COIL: variants seen among roughly 807,000 people sequenced by gnomAD.
COIL encodes coilin.
In COIL, 28 loss-of-function variants were observed where a neutral mutation model predicts 51.6. The ratio of observed to expected loss-of-function variants is 0.54; its 90% confidence interval spans 0.40 to 0.74. The LOEUF is 0.74. COIL is among the 30% of genes least tolerant of loss of function. The pLI is 0.00. For synonymous variants in COIL, 233 were observed against 255.8 expected (o/e 0.91, Z 0.85); for missense variants, 667 against 685.9 (o/e 0.97, Z 0.31).
Position 56,960,762 on chromosome 17 carries a change from C to T in COIL, c.245+13G>A. On this transcript the variant is annotated intron_variant, in intron 1 of 6. Coordinates refer to ENST00000240316, the MANE Select transcript of COIL (RefSeq NM_004645.3). ...GCCGCCCACCCGGCCGTCCCGCTCC[C>T]TGCGCCGCGCACCTGAGGCAGTCGT... 4.5e-6 allele frequency: 7 copies of T among 1,545,302 alleles called. No individual in the cohort carries two copies. Among genetic ancestry groups the T allele is most frequent in the Non-Finnish European group, 6.1e-6 (7 of 1,147,208 alleles).
rs773870610 is a variant in COIL, at chr17:56,950,587, G to A, written c.655C>T (p.Pro219Ser). The A allele has an allele frequency of 8.7e-6, 14 of 1,614,214 alleles. No individual in the cohort carries two copies. Among genetic ancestry groups the A allele is most frequent in the Non-Finnish European group, 1.2e-5 (14 of 1,180,044 alleles). ...AGGCTGTTTCTAGCAGAACCTTTTG[G>A]AGAACTACATCTCTGATTGGCCCAG... ...KDWANQRCSS[P>S]KGSARNSLVK... The change falls in exon 2 of 7, where the codon CCA becomes TCA. Residue 219 changes from proline to serine, a missense_variant. Coordinates refer to ENST00000240316, the MANE Select transcript of COIL (RefSeq NM_004645.3).
chr17:56,948,732 G>C (rs1910298915), intron 4 of COIL, among the ~76,000 whole-genome samples: 1 of 150,474 alleles, frequency 6.6e-6, no homozygotes, highest in Non-Finnish European at 1.5e-5. Flanking sequence ...GACTCATACA[G>C]ATATTAAGTA....
rs756875906 is a variant in COIL, at chr17:56,960,798, A to G, written c.222T>C (p.Leu74=). 67 of 1,591,268 alleles carry G rather than the reference A, an allele frequency of 4.2e-5. No individual in the cohort carries two copies. The highest frequency in any genetic ancestry group is 5.4e-5 in the Non-Finnish European group (63 of 1,169,704). The change falls in exon 1 of 7, where the codon CTT becomes CTC. Residue 74 remains leucine (L), a synonymous_variant. Coordinates refer to ENST00000240316, the MANE Select transcript of COIL (RefSeq NM_004645.3). ...GLLPPAESAR[L]VRDNDCLRVK... is the part of the protein sequence containing the mutation. ...ACCTGAGGCAGTCGTTGTCTCTCACAAGGCGCGCGCTCTCGGCGGGGGGCA... is the reference window on the plus strand; with the variant it reads ...ACCTGAGGCAGTCGTTGTCTCTCACGAGGCGCGCGCTCTCGGCGGGGGGCA...
chr17:56,944,553 T>C (rs1201454493), intron 5 of COIL, among the ~76,000 whole-genome samples: 1 of 150,818 alleles, frequency 6.6e-6, no homozygotes, highest in Non-Finnish European at 1.5e-5. Flanking sequence ...GATCGCCCAC[T>C]GCACTCCAGC....
chr17:56,950,499 G>A lies in COIL; in HGVS notation c.743C>T (p.Ser248Leu), dbSNP rs1385390320. 3.0e-5 allele frequency: 49 copies of A among 1,614,064 alleles called. No homozygotes were observed. The highest frequency in any genetic ancestry group is 4.5e-5 in the East Asian group (2 of 44,898). Residue 248 changes from serine (S) to leucine (L), a missense_variant, in exon 2 of 7, where the codon TCG (serine) becomes TTG (leucine). Physicochemically the swap from Ser to Leu is moderately radical, Grantham distance 145. Transcript: ENST00000240316. The stretch of plus-strand genomic sequence containing the variant: ...AGATTCATCACAAGATTCAGACTCC[G>A]AGGAGGAACTGGGACTCTCTTTTGA... ...VCSKESPSSS[S>L]ESESCDESIS...
Position 56,949,673 on chromosome 17 carries a change from AAAT to A in COIL, c.1440+5_1440+7del. 6.2e-7 allele frequency: 1 copy of A among 1,610,510 alleles called. No homozygotes were observed. Among genetic ancestry groups the A allele is most frequent in the East Asian group, 2.2e-5 (1 of 44,856 alleles). Reference sequence around the variant, plus strand: ...CTTTTTTGCTGTGACTGTTCTTTTGAAATATACCTTAAATGCAATCTTTTCTCC... The same window carrying A: ...CTTTTTTGCTGTGACTGTTCTTTTGAATACCTTAAATGCAATCTTTTCTCC... On this transcript the variant is annotated splice_donor_5th_base_variant and intron_variant, in intron 3 of 6. Coordinates refer to ENST00000240316, the MANE Select transcript of COIL (RefSeq NM_004645.3).
At chr17:56,960,002 G>A (rs1257855458) in intron 1 of COIL, among the ~76,000 whole-genome samples, 1 of 152,162 alleles carries the variant, frequency 6.6e-6, no homozygotes, top group Non-Finnish European at 1.5e-5. Flanking sequence ...CTTAACGTCA[G>A]GAGTTCAAGA....
At chr17:56,943,063 C>A (rs1464863633) in intron 5 of COIL, among the ~76,000 whole-genome samples, 1 of 152,124 alleles carries the variant, frequency 6.6e-6, no homozygotes, top group Non-Finnish European at 1.5e-5. Context: ...TTTTCTCTTT[C>A]CTTCTACACG....
chr17:56,955,307 C>A (rs1208577798), intron 1 of COIL, among the ~76,000 whole-genome samples: 1 of 152,188 alleles, frequency 6.6e-6, no homozygotes, highest in Non-Finnish European at 1.5e-5. Flanking sequence ...AGCTGATTCG[C>A]CCGCCTCGGC....
At chr17:56,960,392 C>T (rs1211497733) in intron 1 of COIL, among the ~76,000 whole-genome samples, 7 of 149,914 alleles carry the variant, frequency 4.7e-5, no homozygotes, top group Admixed American at 3.3e-4. Flanking sequence ...GGCGTGGTGG[C>T]GGACGCCTGT....
chr17:56,942,449 A>C (rs921834198), intron 5 of COIL, among the ~76,000 whole-genome samples: 8 of 152,220 alleles, frequency 5.3e-5, no homozygotes, highest in African/African-American at 1.7e-4. Flanking sequence ...CAACAAGGGA[A>C]GGTAATATGA....
At chr17:56,953,299 T>C (rs1910414155) in intron 1 of COIL, among the ~76,000 whole-genome samples, 1 of 148,372 alleles carries the variant, frequency 6.7e-6, no homozygotes, top group Non-Finnish European at 1.5e-5. Flanking sequence ...TAGTCCCAGC[T>C]ACTCGGGAGG....
chr17:56,960,696 G>T, intron 1 of COIL, 79 bp downstream of exon 1: 6 of 803,322 alleles, frequency 7.5e-6, no homozygotes, highest in Admixed American at 4.7e-5. Flanking sequence ...ACCAGGTCTA[G>T]CGGCTTCAGG....
At chr17:56,943,696 A>G (rs1404672276) in intron 5 of COIL, among the ~76,000 whole-genome samples, 1 of 152,142 alleles carries the variant, frequency 6.6e-6, no homozygotes, top group African/African-American at 2.4e-5. Flanking sequence ...TTATATAGTG[A>G]TATGTGGACT....
intron 6 of COIL, chr17:56,940,345 A>C (rs1307125423): frequency 1.3e-5 from 2 of 152,350 alleles, no homozygotes; most frequent in African/African-American, 4.8e-5. Context: ...TCCTGGACTC[A>C]AGGGATCGGC....
In COIL at chr17:56,942,131, A is replaced by T; in HGVS notation, c.1559-8T>A. ...TCCCAGGTTCTCTCAAGGCTGAAAC[A>T]AGAAGATAGGGAGGAAAGAGAGTAA... On this transcript the variant is annotated splice_polypyrimidine_tract_variant and splice_region_variant and intron_variant, in intron 5 of 6. Coordinates refer to ENST00000240316, the MANE Select transcript of COIL (RefSeq NM_004645.3). 6.2e-7 allele frequency: 1 copy of T among 1,605,516 alleles called. No homozygotes were observed. Among genetic ancestry groups the T allele is most frequent in the Non-Finnish European group, 8.5e-7 (1 of 1,172,090 alleles).
chr17:56,950,853 T>C lies in COIL; in HGVS notation c.389A>G (p.Lys130Arg). The C allele has an allele frequency of 1.2e-6, 2 of 1,614,072 alleles. No homozygotes were observed. The highest frequency in any genetic ancestry group is 1.7e-6 in the Non-Finnish European group (2 of 1,180,032). The stretch of plus-strand genomic sequence containing the variant: ...GTTCTCTCGACTCTTCCAATGCTTC[T>C]TTGAATATTTGCAATCTGGTTCAGT... ...EETEPDCKYS[K>R]KHWKSRENNN... Residue 130 changes from lysine (K) to arginine (R), a missense_variant, in exon 2 of 7, where the codon AAG (lysine) becomes AGG (arginine). Coordinates refer to ENST00000240316, the MANE Select transcript of COIL (RefSeq NM_004645.3).
rs1198801133 is a variant in COIL at position 56,938,908 on chromosome 17, T to C, written c.*163A>G. On this transcript the variant is annotated 3_prime_UTR_variant, in exon 7 of 7. Transcript: ENST00000240316. ...CAAAGATCTACAAAACCGACACCCATGTCATTTTAAATGATGAGGTAGATT... is the reference window on the plus strand; with the variant it reads ...CAAAGATCTACAAAACCGACACCCACGTCATTTTAAATGATGAGGTAGATT... 2.1e-6 allele frequency: 1 copy of C among 470,500 alleles called. No individual in the cohort carries two copies. Among genetic ancestry groups the C allele is most frequent in the Non-Finnish European group, 3.7e-6 (1 of 266,686 alleles). The allele number at this position is 470,500 out of a possible 1,614,324, so 29.1% of individuals were successfully genotyped here. A position where few individuals can be genotyped will look rare whatever the true frequency, so the allele number is the denominator to read the frequency against.
chr17:56,950,879 T>G lies in COIL; in HGVS notation c.363A>C (p.Glu121Asp). 6.2e-7 allele frequency: 1 copy of G among 1,614,002 alleles called. No homozygotes were observed. Among genetic ancestry groups the G allele is most frequent in the Non-Finnish European group, 8.5e-7 (1 of 1,180,034 alleles). Residue 121 changes from glutamate (E) to aspartate (D), a missense_variant, in exon 2 of 7, where the codon GAA (glutamate) becomes GAC (aspartate). By Grantham distance (45) the Glu-to-Asp change is conservative. Transcript: ENST00000240316. ...TTGAATATTTGCAATCTGGTTCAGT[T>G]TCTTCACCCTCCTCTAACTGAAATG... ...KRAFQLEEGE[E>D]TEPDCKYSKK... is the part of the protein sequence containing the mutation.
Sources: allele counts gnomAD v4.1 joint callset (sites outside exome capture counted in the v4.1 genomes callset), GRCh38; gene constraint gnomAD v4.1.1; transcripts MANE v1.5; gene names NCBI Gene and HGNC (gene_info 2026-07-23, HGNC 2026-07-21).